The following WDR62 variants were observed in gnomAD, a reference collection of about 807,000 sequenced individuals.
WDR62 encodes WD repeat-containing protein 62.
A neutral mutation model predicts 160.6 loss-of-function variants in WDR62; 112 were observed. The observed-to-expected ratio is 0.70, with a 90% CI of 0.60 to 0.82. WDR62 has a LOEUF of 0.82. Among genes scored for constraint, WDR62 ranks in the 40% least tolerant of loss-of-function variants. The pLI, the probability that WDR62 is intolerant of heterozygous loss-of-function variation, is 0.00. For synonymous variants in WDR62, 792 were observed against 815.1 expected, an observed-to-expected ratio of 0.97 and a Z score of 0.48; for missense variants, 1,819 against 1,983.8, an observed-to-expected ratio of 0.92 and a Z score of 1.58.
chr19:36,101,092 G>A, intron 23 of WDR62, 122 bp from the exon 24 acceptor site: 1 of 1,172,062 alleles, frequency 8.5e-7, no homozygotes, highest in Non-Finnish European at 1.2e-6. Flanking sequence ...AGGAGGCGGG[G>A]AGGCTGTCGC....
At chr19:36,057,654 A>G (rs1165988331) in intron 1 of WDR62, among the ~76,000 whole-genome samples, 3 of 152,076 alleles carry the variant, frequency 2.0e-5, no homozygotes, top group Admixed American at 1.3e-4. Flanking sequence ...GCCTGGGATT[A>G]TAGGCATGGG....
At chr19:36,083,329 C>A (rs1972014932) in intron 11 of WDR62, 88 bp downstream of exon 11, 2 of 1,297,144 alleles carry the variant, frequency 1.5e-6, no homozygotes, top group African/African-American at 1.5e-5. Flanking sequence ...GGCCTTGGCA[C>A]CTCCTGCTGC....
At chr19:36,059,521 C>T (rs141536239) in intron 2 of WDR62, among the ~76,000 whole-genome samples, 1 of 152,260 alleles carries the variant, frequency 6.6e-6, no homozygotes, top group East Asian at 1.9e-4. Context: ...CTCACTACAG[C>T]CCCAACCTCC....
chr19:36,065,826 G>T, intron 3 of WDR62, 132 bp from the exon 4 acceptor site: 1 of 875,242 alleles, frequency 1.1e-6, no homozygotes, highest in South Asian at 1.3e-5. Context: ...GGAGCTGCTT[G>T]AGCTCACCTC....
chr19:36,070,136 CT>C (rs1971217205), intron 7 of WDR62: 1 of 149,696 alleles, frequency 6.7e-6, no homozygotes, highest in African/African-American at 2.5e-5. Context: ...AATACATAAA[CT>C]TTTATTTATT....
chr19:36,058,260 G>T (rs1227967470), intron 1 of WDR62, among the ~76,000 whole-genome samples: 2 of 152,200 alleles, frequency 1.3e-5, no homozygotes, highest in East Asian at 3.9e-4. Context: ...GCTGAGGCAG[G>T]AGAATTGCTT....
In WDR62 at chr19:36,104,969, C is replaced by A. The variant is rs760732678; in HGVS notation, c.4513C>A (p.Leu1505Met). The A allele has an allele frequency of 6.2e-7, 1 of 1,605,682 alleles. No homozygotes were observed. Among genetic ancestry groups the A allele is most frequent in the Admixed American group, 1.7e-5 (1 of 59,694 alleles). ...PLASPDLQAL[L>M]EHYSELLVQA... is the part of the protein sequence containing the mutation. The stretch of plus-strand genomic sequence containing the variant: ...GGCCAGCCCAGACCTGCAGGCCCTG[C>A]TGGAACACTACTCGGAGCTGCTGGT... Residue 1505 changes from leucine to methionine, a missense_variant, in exon 32 of 32, where the codon CTG becomes ATG. Transcript: ENST00000401500.
In WDR62 at chr19:36,104,666, T is replaced by G; in HGVS notation, c.4302T>G (p.Leu1434=). 1 of 1,614,054 alleles carries G rather than the reference T, an allele frequency of 6.2e-7. No individual in the cohort carries two copies. The highest frequency in any genetic ancestry group is 1.1e-5 in the South Asian group (1 of 91,084). The part of the protein sequence containing the change: ...LQTTFQEALD[L]YRVLVSSGQV... ...CCACCTTCCAAGAAGCCCTCGACCT[T>G]TACCGTGTGGTGAGCTAAGCCCCAG... The change falls in exon 31 of 32, where the codon CTT becomes CTG. Residue 1434 remains leucine, a synonymous_variant. Coordinates refer to ENST00000401500, the MANE Select transcript of WDR62 (RefSeq NM_001083961.2).
rs551525495 is a variant in WDR62, at chr19:36,055,089, A to G, written c.118A>G (p.Ile40Val). The G allele has an allele frequency of 3.5e-5, 56 of 1,605,022 alleles. No homozygotes were observed. The highest frequency in any genetic ancestry group is 1.7e-4 in the Middle Eastern group (1 of 6,044). ...GTCCTCCCCGCCCCCCGCCCCACCA[A>G]TCTGCCTACGGCGGCGGACGCGACT... The part of the protein sequence containing the change: ...GQSSPPPAPP[I>V]CLRRRTRLST... The change falls in exon 1 of 32, where the codon ATC (isoleucine) becomes GTC (valine). Residue 40 changes from isoleucine to valine, a missense_variant. Transcript: ENST00000401500.
At chr19:36,079,427 T>G (rs1266460567) in intron 9 of WDR62, among the ~76,000 whole-genome samples, 2 of 152,240 alleles carry the variant, frequency 1.3e-5, no homozygotes, top group Non-Finnish European at 2.9e-5. Flanking sequence ...TGTGGTCCTC[T>G]TTATCTGTTA....
chr19:36,102,601 A>T, intron 26 of WDR62, 136 bp from the exon 27 acceptor site: 1 of 719,936 alleles, frequency 1.4e-6, no homozygotes, highest in Non-Finnish European at 2.4e-6. Context: ...ATGCCTCCTC[A>T]CCCACTGCCC....
chr19:36,092,572 G>A, intron 18 of WDR62, 117 bp from the exon 19 acceptor site: 1 of 1,446,950 alleles, frequency 6.9e-7, no homozygotes, highest in South Asian at 1.1e-5. Flanking sequence ...GTGTTTTCCA[G>A]GAGCATCTGG....
At chr19:36,085,243 G>A (rs1291721154) in intron 12 of WDR62, among the ~76,000 whole-genome samples, 1 of 151,948 alleles carries the variant, frequency 6.6e-6, no homozygotes, top group Non-Finnish European at 1.5e-5. Flanking sequence ...AGTCTCCCAT[G>A]TAGCTGGGAT....
At chr19:36,069,417 C>G (rs1025640659) in intron 7 of WDR62, among the ~76,000 whole-genome samples, 1 of 151,602 alleles carries the variant, frequency 6.6e-6, no homozygotes, top group South Asian at 2.1e-4. Flanking sequence ...AGGCGCTCCC[C>G]GCATCTCAGA....
rs376554781 is a variant in WDR62, at chr19:36,101,219, A to G, written c.2873A>G (p.Tyr958Cys). 6.2e-7 allele frequency: 1 copy of G among 1,612,282 alleles called. No individual in the cohort carries two copies. Among genetic ancestry groups the G allele is most frequent in the Non-Finnish European group, 8.5e-7 (1 of 1,179,500 alleles). ...EVTVTGTDSQ[Y>C]CRKEVEAGPG... ...TGCCCCCACTGGCACTGCAGCCAGT[A>G]TTGCAGGAAGGAGGTGGAGGCCGGG... The change falls in exon 24 of 32, where the codon TAT becomes TGT. Residue 958 changes from tyrosine to cysteine, a missense_variant. Around this residue, in one of 3 missense-constraint regions of WDR62, gnomAD observed 934 missense variants for 1,157.2 expected, o/e 0.81. Coordinates refer to ENST00000401500, the MANE Select transcript of WDR62 (RefSeq NM_001083961.2).
intron 30 of WDR62, 80 bp from the exon 31 acceptor site, chr19:36,104,438 A>T (rs1486874816): frequency 6.4e-7 from 1 of 1,561,104 alleles, no homozygotes; most frequent in Non-Finnish European, 8.7e-7. Flanking sequence ...GAAGTACAGC[A>T]TGGAGTCCAC....
In WDR62 at chr19:36,091,313, T is replaced by A; in HGVS notation, c.2146+2T>A. On this transcript the variant is annotated splice_donor_variant, in intron 17 of 31. Coordinates refer to ENST00000401500, the MANE Select transcript of WDR62 (RefSeq NM_001083961.2). LOFTEE classifies it high-confidence loss of function. ...TTGCCAAGATGTTTGGCCATTCAGG[T>A]GGGTGTGCCTCTCTGCTTGGGATGC... is the stretch of plus-strand genomic sequence containing the variant. The A allele has an allele frequency of 6.2e-7, 1 of 1,614,010 alleles. No individual in the cohort carries two copies. Among genetic ancestry groups the A allele is most frequent in the Non-Finnish European group, 8.5e-7 (1 of 1,179,958 alleles).
At chr19:36,107,336 A>G (rs1973734151), downstream of WDR62, among the ~76,000 whole-genome samples, 1 of 152,112 alleles carries the variant, frequency 6.6e-6, no homozygotes, top group Non-Finnish European at 1.5e-5. Flanking sequence ...AGTGCCTGGC[A>G]TAAGCCTGGA....
At chr19:36,109,268 G>A (rs1217280566), downstream of WDR62, among the ~76,000 whole-genome samples, 6 of 152,110 alleles carry the variant, frequency 3.9e-5, no homozygotes, top group Non-Finnish European at 7.3e-5. Context: ...CCCTGTACCC[G>A]TAGCCTGGAT....
Sources: gnomAD v4.1 joint callset for allele counts (sites outside exome capture counted in the v4.1 genomes callset) on GRCh38, gnomAD v4.1.1 for gene constraint, gnomAD v4.1.1 regional missense constraint, MANE v1.5 for transcripts, NCBI Gene and HGNC (gene_info 2026-07-23, HGNC 2026-07-21) for gene names.